CA10: variants seen among roughly 807,000 people sequenced by gnomAD.
The protein encoded by CA10 is carbonic anhydrase 10 (inactive).
CA10 carries 14 observed loss-of-function variants against 44.2 expected under a neutral mutation model. The observed-to-expected ratio is 0.32, with a 90% CI of 0.21 to 0.50. The LOEUF (loss-of-function observed/expected upper bound fraction) is 0.50, where lower values mean the gene tolerates loss of function less well. Ranked by LOEUF, CA10 falls within the 20% of genes least tolerant of loss-of-function variation. The pLI, the probability that CA10 is intolerant of heterozygous loss-of-function variation, is 0.99. For synonymous variants in CA10, 159 were observed against 141.6 expected (o/e 1.12, Z -0.87); for missense variants, 350 against 409.7 (o/e 0.85, Z 1.26).
chr17:51,914,226 G>C (rs1311716955), intron 3 of CA10, among the ~76,000 whole-genome samples: 1 of 150,140 alleles, frequency 6.7e-6, no homozygotes, highest in Admixed American at 6.6e-5. Context: ...TTCACAGTAA[G>C]AGACAGAGCC....
chr17:51,831,690 G>GCAGCAGCAGCAGCAGCAT (rs1567854563), intron 3 of CA10, among the ~76,000 whole-genome samples: 3 of 81,202 alleles, frequency 3.7e-5, no homozygotes, highest in African/African-American at 1.1e-4. Context: ...AGCAGCAGCA[G>GCAGCAGCAGCAGCAGCAT]CAGCAGCAGC....
intron 2 of CA10, among the ~76,000 whole-genome samples, chr17:52,004,767 C>T (rs1207179884): frequency 6.6e-6 from 1 of 151,674 alleles, no homozygotes; most frequent in Non-Finnish European, 1.5e-5. Context: ...TCAGATAATG[C>T]CTCAAAAATA....
At chr17:52,149,816 A>T (rs535615505) in intron 1 of CA10, among the ~76,000 whole-genome samples, 1 of 152,316 alleles carries the variant, frequency 6.6e-6, no homozygotes, top group East Asian at 1.9e-4. Context: ...GTGGAAAATG[A>T]TCAGTGGTCT....
chr17:51,703,028 T>C (rs1029099118), intron 4 of CA10, among the ~76,000 whole-genome samples: 1 of 152,176 alleles, frequency 6.6e-6, no homozygotes, highest in East Asian at 1.9e-4. Flanking sequence ...GAGGTTGTTA[T>C]ATACAAATCA....
intron 3 of CA10, among the ~76,000 whole-genome samples, chr17:51,802,950 C>T (rs989278113): frequency 9.2e-5 from 14 of 152,242 alleles, no homozygotes; most frequent in Non-Finnish European, 2.1e-4. Flanking sequence ...ACATTAAGTG[C>T]GGAGTAGCAG....
chr17:51,962,718 A>C (rs1385002632), intron 2 of CA10, among the ~76,000 whole-genome samples: 1 of 152,136 alleles, frequency 6.6e-6, no homozygotes, highest in East Asian at 1.9e-4. Context: ...GGAAAGAGAA[A>C]GGGAAAGAAA....
intron 2 of CA10, among the ~76,000 whole-genome samples, chr17:52,063,222 A>G (rs1436061028): frequency 6.6e-6 from 1 of 152,196 alleles, no homozygotes; most frequent in South Asian, 2.1e-4. Context: ...TGCATATTAT[A>G]AGTAGATGAA....
At chr17:51,663,048 A>T (rs1914064405) in intron 4 of CA10, among the ~76,000 whole-genome samples, 2 of 152,176 alleles carry the variant, frequency 1.3e-5, no homozygotes, top group South Asian at 4.1e-4. Flanking sequence ...TTATTTCTTT[A>T]TGCATAATAT....
intron 2 of CA10, among the ~76,000 whole-genome samples, 187 bp from the exon 3 acceptor site, chr17:51,931,319 A>C (rs1346461671): frequency 6.6e-6 from 1 of 152,034 alleles, no homozygotes; most frequent in Non-Finnish European, 1.5e-5. Context: ...TCTAAGTCTT[A>C]CCTGCATGGT....
chr17:52,047,281 C>T (rs1276583703), intron 2 of CA10, among the ~76,000 whole-genome samples: 1 of 151,792 alleles, frequency 6.6e-6, no homozygotes, highest in East Asian at 2.0e-4. Context: ...TATTGGTTTC[C>T]AAGGGTGAAG....
intron 3 of CA10, among the ~76,000 whole-genome samples, chr17:51,865,796 T>A (rs1019888370): frequency 6.6e-6 from 1 of 152,196 alleles, no homozygotes; most frequent in Admixed American, 6.6e-5. Flanking sequence ...GATGTTAGGC[T>A]GCCTCTATAT....
chr17:51,983,584 A>G (rs1205451091), intron 2 of CA10, among the ~76,000 whole-genome samples: 1 of 146,644 alleles, frequency 6.8e-6, no homozygotes, highest in Non-Finnish European at 1.5e-5. Context: ...TTTTTTCCAG[A>G]TGACTGCATA....
chr17:51,823,026 T>C (rs183025387), intron 3 of CA10, among the ~76,000 whole-genome samples: 140 of 152,346 alleles, frequency 9.2e-4, no homozygotes, highest in Middle Eastern at 3.4e-3. Context: ...CAGAGAGATT[T>C]TAAACATTTC....
intron 1 of CA10, among the ~76,000 whole-genome samples, chr17:52,120,653 C>T (rs1567739805): frequency 6.6e-6 from 1 of 152,152 alleles, no homozygotes; most frequent in African/African-American, 2.4e-5. Flanking sequence ...GGAACCTGCA[C>T]AGGGTCTTGC....
At chr17:52,086,869 C>T (rs1325558108) in intron 1 of CA10, among the ~76,000 whole-genome samples, 1 of 152,212 alleles carries the variant, frequency 6.6e-6, no homozygotes, top group Non-Finnish European at 1.5e-5. Flanking sequence ...GTCTTTTCCA[C>T]ATGCAGCTTT....
intron 3 of CA10, among the ~76,000 whole-genome samples, chr17:51,786,695 T>C (rs907291565): frequency 1.3e-5 from 2 of 152,198 alleles, no homozygotes; most frequent in Non-Finnish European, 2.9e-5. Flanking sequence ...GTAAAAACAT[T>C]GAGTACTAAC....
intron 2 of CA10, among the ~76,000 whole-genome samples, chr17:52,068,782 C>A (rs1175408665): frequency 6.6e-6 from 1 of 152,150 alleles, no homozygotes; most frequent in African/African-American, 2.4e-5. Flanking sequence ...GTCTTTTGTA[C>A]CCAAGTTTAT....
At chr17:51,741,985 C>T (rs1441761806) in intron 4 of CA10, among the ~76,000 whole-genome samples, 1 of 152,210 alleles carries the variant, frequency 6.6e-6, no homozygotes, top group East Asian at 1.9e-4. Flanking sequence ...CAGTTTCTCT[C>T]TTTTTAATAG....
chr17:51,940,191 A>T (rs926756286), intron 2 of CA10, among the ~76,000 whole-genome samples: 1 of 152,124 alleles, frequency 6.6e-6, no homozygotes, highest in Non-Finnish European at 1.5e-5. Context: ...TTGATCACAG[A>T]TTAAGTTTCC....
Sources: gnomAD v4.1 joint callset for allele counts (sites outside exome capture counted in the v4.1 genomes callset) on GRCh38, gnomAD v4.1.1 for gene constraint, MANE v1.5 for transcripts, NCBI Gene and HGNC (gene_info 2026-07-23, HGNC 2026-07-21) for gene names.